PTPMT1: variants seen among roughly 807,000 people sequenced by gnomAD.
PTPMT1 encodes phosphatidylglycerophosphatase and protein-tyrosine phosphatase 1.
In PTPMT1, 12 loss-of-function variants were observed where a neutral mutation model predicts 17.8. That is an observed-to-expected ratio of 0.67 (90% confidence interval 0.43 to 1.09). The LOEUF is 1.09. Ranked by LOEUF, PTPMT1 falls within the 50% of genes least tolerant of loss-of-function variation. The probability of loss-of-function intolerance (pLI) is 0.00; values close to 1 mark genes in which losing one functional copy is unlikely to be tolerated. For missense variants in PTPMT1, 262 were observed against 266.0 expected (o/e 0.99, Z 0.10); for synonymous variants, 132 against 116.8 (o/e 1.13, Z -0.84).
Position 47,565,620 on chromosome 11 carries a change from G to T in PTPMT1, c.-3G>T, listed in dbSNP as rs1372486182. The T allele has an allele frequency of 9.2e-6, 12 of 1,303,498 alleles. No homozygotes were observed. The highest frequency in any genetic ancestry group is 3.1e-5 in the African/African-American group (2 of 64,478). 80.7% of individuals were successfully genotyped at this position (1,303,498 alleles called of 1,614,324 possible). On this transcript the variant is annotated 5_prime_UTR_variant, in exon 1 of 4. Coordinates refer to ENST00000326674, the MANE Select transcript of PTPMT1 (RefSeq NM_175732.3). ...CGACGGGTCGCCGCTGCGCCGGGCC[G>T]GGATGGCGGCCACCGCGCTGCTGGA...
chr11:47,573,248 C>T lies in PTPMT1; in HGVS notation c.*1619C>T. ...GGCCTGCAAAGGGCAGCACATAGGG[C>T]TTCACATGGCATTTGTCTGTCTCTG... On this transcript the variant is annotated 3_prime_UTR_variant, in exon 4 of 4. Coordinates refer to ENST00000326674, the MANE Select transcript of PTPMT1 (RefSeq NM_175732.3). This position sits in a 1 kb window ranked among gnomAD's most constrained non-coding sequence, Gnocchi z 4.1. 6.2e-7 allele frequency: 1 copy of T among 1,614,152 alleles called. No individual in the cohort carries two copies. The highest frequency in any genetic ancestry group is 8.5e-7 in the Non-Finnish European group (1 of 1,180,028).
At position 47,573,305 on chromosome 11, in the gene PTPMT1, G is replaced by A; in HGVS notation, c.*1676G>A. ...AGCACTGGATGAGTCGGGAAGGTTT[G>A]GTAAAGAAGTCCAGATCATTCTCCT... On this transcript the variant is annotated 3_prime_UTR_variant, in exon 4 of 4. Transcript: ENST00000326674. This position sits in a 1 kb window ranked among gnomAD's most constrained non-coding sequence, Gnocchi z 4.1. 6.2e-7 allele frequency: 1 copy of A among 1,614,170 alleles called. No homozygotes were observed. The highest frequency in any genetic ancestry group is 2.2e-5 in the East Asian group (1 of 44,876).
At chr11:47,565,882 T>G in intron 1 of PTPMT1, 24 bp from the exon 2 acceptor site, 1 of 1,612,408 alleles carries the variant, frequency 6.2e-7, no homozygotes, top group Non-Finnish European at 8.5e-7. Flanking sequence ...CCGTCTTTGC[T>G]GAGCCACCTC....
chr11:47,569,363 G>T (rs1375056572), intron 2 of PTPMT1, among the ~76,000 whole-genome samples: 1 of 148,636 alleles, frequency 6.7e-6, no homozygotes, highest in Non-Finnish European at 1.5e-5. Flanking sequence ...TACAGCCTGG[G>T]CAACAGAGCG....
chr11:47,567,425 T>C (rs1210920111), intron 2 of PTPMT1, among the ~76,000 whole-genome samples: 1 of 151,764 alleles, frequency 6.6e-6, no homozygotes, highest in Non-Finnish European at 1.5e-5. Context: ...AAAGAATTAC[T>C]GATCTTCATT....
At position 47,572,286 on chromosome 11, in the gene PTPMT1, G is replaced by A. The variant is rs896671274; in HGVS notation, c.*657G>A. The A allele has an allele frequency of 6.5e-6, 1 of 152,806 alleles. No homozygotes were observed. The highest frequency in any genetic ancestry group is 2.4e-5 in the African/African-American group (1 of 41,434). The allele number at this position is 152,806 out of a possible 1,614,324, so 9.5% of individuals were successfully genotyped here. A position where few individuals can be genotyped will look rare whatever the true frequency, so the allele number is the denominator to read the frequency against. On this transcript the variant is annotated 3_prime_UTR_variant, in exon 4 of 4. Transcript: ENST00000326674. ...AAGAGCAGACACCTTATATATTTGA[G>A]ATTGAAAAAGTTTCTGCTATTAATC... is the stretch of plus-strand genomic sequence containing the variant.
Position 47,566,121 on chromosome 11 carries a change from G to C in PTPMT1, c.255+135G>C, listed in dbSNP as rs2097243711. 21 of 975,220 alleles carry C rather than the reference G, an allele frequency of 2.2e-5. 1 individual carries two copies. In the South Asian group the frequency reaches 3.8e-4, roughly 18 times the overall value. 60.4% of individuals were successfully genotyped at this position (975,220 alleles called of 1,614,324 possible). On this transcript the variant is annotated intron_variant, in intron 2 of 3. Coordinates refer to ENST00000326674, the MANE Select transcript of PTPMT1 (RefSeq NM_175732.3). Reference sequence around the variant, plus strand: ...AGGTGTCTCAAGCTGCTTTGCCTCCGGTCTGTGCCTCTAAATGGCACCTGG... The same window carrying C: ...AGGTGTCTCAAGCTGCTTTGCCTCCCGTCTGTGCCTCTAAATGGCACCTGG...
chr11:47,573,319 G>T lies in PTPMT1; in HGVS notation c.*1690G>T. ...CGGGAAGGTTTGGTAAAGAAGTCCA[G>T]ATCATTCTCCTCCCCCCCTAGTAAG... On this transcript the variant is annotated 3_prime_UTR_variant, in exon 4 of 4. Coordinates refer to ENST00000326674, the MANE Select transcript of PTPMT1 (RefSeq NM_175732.3). This position sits in a 1 kb window ranked among gnomAD's most constrained non-coding sequence, Gnocchi z 4.1. 6.2e-7 allele frequency: 1 copy of T among 1,614,176 alleles called. No homozygotes were observed. The highest frequency in any genetic ancestry group is 8.5e-7 in the Non-Finnish European group (1 of 1,180,042).
At position 47,571,778 on chromosome 11, in the gene PTPMT1, G is replaced by GC; in HGVS notation, c.*149_*150insC. The GC allele has an allele frequency of 2.8e-6, 2 of 711,760 alleles. No homozygotes were observed. Among genetic ancestry groups the GC allele is most frequent in the South Asian group, 3.7e-5 (2 of 54,394 alleles). The allele number at this position is 711,760 out of a possible 1,614,324, so 44.1% of individuals were successfully genotyped here. On this transcript the variant is annotated 3_prime_UTR_variant, in exon 4 of 4. Coordinates refer to ENST00000326674, the MANE Select transcript of PTPMT1 (RefSeq NM_175732.3). ...AATTTTTCTTTCTCTGACTTGTTTT[G>GC]TTTTCTTGAAATAACACTGTTGTGT...
rs1386448021 is a variant in PTPMT1, at chr11:47,571,504, G to C, written c.481G>C (p.Ala161Pro). 6.2e-7 allele frequency: 1 copy of C among 1,614,024 alleles called. No individual in the cohort carries two copies. Among genetic ancestry groups the C allele is most frequent in the South Asian group, 1.1e-5 (1 of 91,086 alleles). ...ATGGAGTCCAGAGGAGGCTGTAAGA[G>C]CCATCGCCAAGATCCGGTCATACAT... The part of the protein sequence containing the change: ...HKWSPEEAVR[A>P]IAKIRSYIHI... The change falls in exon 4 of 4, where the codon GCC becomes CCC. Residue 161 changes from alanine to proline, a missense_variant. Ala to Pro is a conservative substitution (Grantham distance 27). Coordinates refer to ENST00000326674, the MANE Select transcript of PTPMT1 (RefSeq NM_175732.3).
At chr11:47,569,386 TAAAAA>T (rs55868744) in intron 2 of PTPMT1, among the ~76,000 whole-genome samples, 2 of 112,764 alleles carry the variant, frequency 1.8e-5, no homozygotes. Context: ...ACTCTGTCTT[TAAAAA>T]AAAAAAAAAA....
chr11:47,573,007 C>T lies in PTPMT1; in HGVS notation c.*1378C>T, dbSNP rs1297690080. Reference sequence around the variant, plus strand: ...ACAGTTACGGCTGAAGTGGCAGGGTCAAGCTTGTAGGTGTTGGCATCCCCC... The same window carrying T: ...ACAGTTACGGCTGAAGTGGCAGGGTTAAGCTTGTAGGTGTTGGCATCCCCC... On this transcript the variant is annotated 3_prime_UTR_variant, in exon 4 of 4. Coordinates refer to ENST00000326674, the MANE Select transcript of PTPMT1 (RefSeq NM_175732.3). This position sits in a 1 kb window ranked among gnomAD's most constrained non-coding sequence, Gnocchi z 4.1. The T allele has an allele frequency of 1.2e-6, 2 of 1,614,152 alleles. No individual in the cohort carries two copies. The highest frequency in any genetic ancestry group is 1.7e-6 in the Non-Finnish European group (2 of 1,180,028).
At chr11:47,565,858 C>T (rs1033998089) in intron 1 of PTPMT1, 48 bp from the exon 2 acceptor site, 1 of 1,609,294 alleles carries the variant, frequency 6.2e-7, no homozygotes, top group Admixed American at 1.7e-5. Context: ...CCTGTCGGGC[C>T]GCTGGGGTCT....
Position 47,569,746 on chromosome 11 carries a change from A to C in PTPMT1, c.302A>C (p.Asp101Ala). 6.2e-7 allele frequency: 1 copy of C among 1,614,088 alleles called. No individual in the cohort carries two copies. The highest frequency in any genetic ancestry group is 8.5e-7 in the Non-Finnish European group (1 of 1,180,000). ...GVEQLRLSTV[D>A]MTGIPTLDNL... Reference sequence around the variant, plus strand: ...GAGCAGCTGCGGCTCAGCACAGTAGACATGACTGGGATCCCCACCTTGGAC... The same window carrying C: ...GAGCAGCTGCGGCTCAGCACAGTAGCCATGACTGGGATCCCCACCTTGGAC... Residue 101 changes from aspartate (D) to alanine (A), a missense_variant, in exon 3 of 4, where the codon GAC becomes GCC. By Grantham distance (126) the Asp-to-Ala change is moderately radical. Transcript: ENST00000326674.
At chr11:47,568,121 C>T (rs918388832) in intron 2 of PTPMT1, among the ~76,000 whole-genome samples, 6 of 151,954 alleles carry the variant, frequency 3.9e-5, no homozygotes, top group Non-Finnish European at 8.8e-5. Context: ...GGGGTTTCAC[C>T]GTGTTAGCCA....
intron 2 of PTPMT1, among the ~76,000 whole-genome samples, chr11:47,567,467 A>T (rs73461796): frequency 0.017 from 2,638 of 152,148 alleles, 47 homozygotes; most frequent in African/African-American, 0.048. Context: ...ACTCATTATT[A>T]AGAGGTTAAT....
intron 2 of PTPMT1, among the ~76,000 whole-genome samples, chr11:47,567,330 C>T (rs1455692130): frequency 2.6e-5 from 4 of 151,388 alleles, no homozygotes; most frequent in Admixed American, 6.6e-5. Flanking sequence ...CGCTTGAACC[C>T]GGGAGGCAGA....
In PTPMT1 at chr11:47,572,328, A is replaced by C. The variant is rs1204974890; in HGVS notation, c.*699A>C. On this transcript the variant is annotated 3_prime_UTR_variant, in exon 4 of 4. Transcript: ENST00000326674. The stretch of plus-strand genomic sequence containing the variant: ...CTATTAATCAGAAATAATCATTTCT[A>C]TTTTCTGGCTTACCCCTTGGAATAA... 6.5e-6 allele frequency: 1 copy of C among 152,934 alleles called. No individual in the cohort carries two copies. Among genetic ancestry groups the C allele is most frequent in the Admixed American group, 6.5e-5 (1 of 15,304 alleles). 9.5% of individuals were successfully genotyped at this position (152,934 alleles called of 1,614,324 possible). A position where few individuals can be genotyped will look rare whatever the true frequency, so the allele number is the denominator to read the frequency against.
Position 47,571,894 on chromosome 11 carries a change from A to G in PTPMT1, c.*265A>G, listed in dbSNP as rs531030475. 4 of 321,316 alleles carry G rather than the reference A, an allele frequency of 1.2e-5. No homozygotes were observed. In the Admixed American group the frequency reaches 1.9e-4, roughly 15 times the overall value. 19.9% of individuals were successfully genotyped at this position (321,316 alleles called of 1,614,324 possible). A position where few individuals can be genotyped will look rare whatever the true frequency, so the allele number is the denominator to read the frequency against. ...ATCTTTTCTTGAATAGGGCTAAAGA[A>G]GTATTTTAACAAAAATCTATTATGT... is the stretch of plus-strand genomic sequence containing the variant. On this transcript the variant is annotated 3_prime_UTR_variant, in exon 4 of 4. Coordinates refer to ENST00000326674, the MANE Select transcript of PTPMT1 (RefSeq NM_175732.3).
Sources: allele counts gnomAD v4.1 joint callset (sites outside exome capture counted in the v4.1 genomes callset), GRCh38; gene constraint gnomAD v4.1.1; non-coding constraint Gnocchi (gnomAD v3.1); transcripts MANE v1.5; gene names NCBI Gene and HGNC (gene_info 2026-07-23, HGNC 2026-07-21).